The following TLL1 variants were observed in gnomAD, a reference collection of about 807,000 sequenced individuals.
TLL1 encodes tolloid like 1, also known as tolloid-like protein 1.
A neutral mutation model predicts 128.2 loss-of-function variants in TLL1; 49 were observed. The ratio of observed to expected loss-of-function variants is 0.38; its 90% CI spans 0.30 to 0.48. The LOEUF (loss-of-function observed/expected upper bound fraction) is 0.48. TLL1 is among the 20% of genes least tolerant of loss of function. TLL1 has a pLI of 0.96. For synonymous variants in TLL1, 454 were observed against 418.8 expected (o/e 1.08, Z -1.03); for missense variants, 1,123 against 1,242.0 (o/e 0.90, Z 1.44).
At chr4:165,933,475 G>A (rs1733623802) in intron 1 of TLL1, among the ~76,000 whole-genome samples, 1 of 152,116 alleles carries the variant, frequency 6.6e-6, no homozygotes, top group Non-Finnish European at 1.5e-5. Context: ...GCATCTCGAG[G>A]TCTGCAGTCC....
chr4:165,877,102 A>G (rs911377416), intron 1 of TLL1, among the ~76,000 whole-genome samples: 2 of 152,240 alleles, frequency 1.3e-5, no homozygotes, highest in Non-Finnish European at 2.9e-5. Flanking sequence ...TCTGAATTAC[A>G]ACTTTAAAAG....
chr4:166,031,997 G>A (rs1193307437), intron 9 of TLL1, among the ~76,000 whole-genome samples: 1 of 152,042 alleles, frequency 6.6e-6, no homozygotes, highest in African/African-American at 2.4e-5. Flanking sequence ...AGTTGAGAAA[G>A]GATTGAGTAA....
intron 9 of TLL1, among the ~76,000 whole-genome samples, chr4:166,027,195 C>G (rs775068686): frequency 6.6e-5 from 10 of 151,844 alleles, no homozygotes; most frequent in Non-Finnish European, 1.5e-4. Context: ...CATTGAGCAC[C>G]CATAGACACA....
At chr4:165,946,579 A>G (rs544445690) in intron 1 of TLL1, among the ~76,000 whole-genome samples, 3 of 151,444 alleles carry the variant, frequency 2.0e-5, no homozygotes, top group South Asian at 4.2e-4. Flanking sequence ...AGCTCAAGCA[A>G]TCAGCCCATC....
intron 1 of TLL1, among the ~76,000 whole-genome samples, chr4:165,878,432 G>A (rs952135177): frequency 1.3e-5 from 2 of 151,902 alleles, no homozygotes; most frequent in Non-Finnish European, 2.9e-5. Flanking sequence ...GTTTGCAGAA[G>A]GGATGGATAA....
intron 1 of TLL1, among the ~76,000 whole-genome samples, chr4:165,986,813 A>G (rs1335031531): frequency 6.6e-6 from 1 of 152,086 alleles, no homozygotes; most frequent in Non-Finnish European, 1.5e-5. Context: ...AAGCCATTAC[A>G]AGAAAATAAA....
At chr4:165,944,990 C>T (rs1734179638) in intron 1 of TLL1, among the ~76,000 whole-genome samples, 1 of 152,044 alleles carries the variant, frequency 6.6e-6, no homozygotes, top group African/African-American at 2.4e-5. Flanking sequence ...TATTCAAATA[C>T]ACAGGCATGG....
At chr4:165,923,315 GTCAAATATTTAAATATTTGACAAA>G (rs1244645278) in intron 1 of TLL1, among the ~76,000 whole-genome samples, 3 of 147,804 alleles carry the variant, frequency 2.0e-5, no homozygotes, top group Non-Finnish European at 3.0e-5. Context: ...CATTTTATCT[GTCAAATATTTAAATATTTGACAAA>G]TCAAATATTC....
chr4:166,091,195 G>C lies in TLL1; in HGVS notation c.2510G>C (p.Gly837Ala). ...TATGACCACTTAGAAGTATTTGATG[G>C]AGAAACAGAAAAGTCACCGATTCTT... The part of the protein sequence containing the change: ...CAYDHLEVFD[G>A]ETEKSPILGR... Residue 837 changes from glycine to alanine, a missense_variant, in exon 19 of 21, where the codon GGA (glycine) becomes GCA (alanine). This residue lies in a region of TLL1 where 634 missense variants were observed against 672.4 expected (regional missense o/e 0.94). Transcript: ENST00000061240. 1 of 1,613,192 alleles carries C rather than the reference G, an allele frequency of 6.2e-7. No individual in the cohort carries two copies. The highest frequency in any genetic ancestry group is 8.5e-7 in the Non-Finnish European group (1 of 1,179,494).
chr4:165,970,380 C>G (rs1735578952), intron 1 of TLL1, among the ~76,000 whole-genome samples: 1 of 152,098 alleles, frequency 6.6e-6, no homozygotes, highest in African/African-American at 2.4e-5. Context: ...GAATCTACCA[C>G]AACAGAGTGT....
chr4:165,926,698 G>C (rs1733285040), intron 1 of TLL1, among the ~76,000 whole-genome samples: 1 of 152,172 alleles, frequency 6.6e-6, no homozygotes, highest in African/African-American at 2.4e-5. Flanking sequence ...ATTTAAGCCA[G>C]AGTGGACAGT....
intron 1 of TLL1, among the ~76,000 whole-genome samples, chr4:165,902,025 G>C (rs960873446): frequency 6.6e-6 from 1 of 152,108 alleles, no homozygotes; most frequent in Non-Finnish European, 1.5e-5. Context: ...CGAACTTCTG[G>C]GCATGTTTGT....
intron 9 of TLL1, among the ~76,000 whole-genome samples, chr4:166,028,608 G>T (rs1738615868): frequency 6.6e-6 from 1 of 151,898 alleles, no homozygotes; most frequent in Non-Finnish European, 1.5e-5. Context: ...TTTGTTAATT[G>T]CTCTTCATAG....
chr4:165,987,459 G>T (rs1164674819), intron 1 of TLL1, among the ~76,000 whole-genome samples: 4 of 151,926 alleles, frequency 2.6e-5, no homozygotes, highest in Non-Finnish European at 5.9e-5. Context: ...TCAATTTCAG[G>T]CATCAAAACC....
chr4:165,952,155 A>C (rs567832979), intron 1 of TLL1, among the ~76,000 whole-genome samples: 18 of 152,272 alleles, frequency 1.2e-4, no homozygotes, highest in African/African-American at 4.3e-4. Context: ...TTATTCTTAC[A>C]AACTCCACAA....
chr4:166,010,353 G>A (rs186101813), intron 7 of TLL1, among the ~76,000 whole-genome samples: 7 of 151,042 alleles, frequency 4.6e-5, no homozygotes, highest in Admixed American at 2.0e-4. Flanking sequence ...GTCATATCTC[G>A]TTGTGGTTTT....
At position 166,039,361 on chromosome 4, in the gene TLL1, T is replaced by C; in HGVS notation, c.1181T>C (p.Met394Thr). ...GEKIVLNFTT[M>T]DLYKSSLCWY... ...CAGATTGTTTTAAATTTTACAACGA[T>C]GGATCTATACAAGAGTAGTTTGTGC... The change falls in exon 10 of 21, where the codon ATG (methionine) becomes ACG (threonine). Residue 394 changes from methionine to threonine, a missense_variant. Around this residue, in one of 3 missense-constraint regions of TLL1, gnomAD observed 480 missense variants for 542.4 expected, o/e 0.89. Coordinates refer to ENST00000061240, the MANE Select transcript of TLL1 (RefSeq NM_012464.5). The C allele has an allele frequency of 6.2e-7, 1 of 1,613,432 alleles. No homozygotes were observed. Among genetic ancestry groups the C allele is most frequent in the Non-Finnish European group, 8.5e-7 (1 of 1,179,542 alleles).
At position 166,003,425 on chromosome 4, in the gene TLL1, C is replaced by A; in HGVS notation, c.667C>A (p.Pro223Thr). ...CSYVGRRGNG[P>T]QAISIGKNCD... ...CTATGTAGGTCGGCGAGGAAATGGA[C>A]CTCAGGCAATCTCTATCGGCAAGAA... The change falls in exon 6 of 21, where the codon CCT becomes ACT. Residue 223 changes from proline (P) to threonine (T), a missense_variant. Pro to Thr is a conservative substitution (Grantham distance 38). This residue lies in a region of TLL1 where 480 missense variants were observed against 542.4 expected (regional missense o/e 0.89). Transcript: ENST00000061240. 1 of 1,614,042 alleles carries A rather than the reference C, an allele frequency of 6.2e-7. No individual in the cohort carries two copies. Among genetic ancestry groups the A allele is most frequent in the Non-Finnish European group, 8.5e-7 (1 of 1,179,958 alleles).
chr4:165,957,035 A>G (rs1385160942), intron 1 of TLL1, among the ~76,000 whole-genome samples: 1 of 151,950 alleles, frequency 6.6e-6, no homozygotes, highest in South Asian at 2.1e-4. Flanking sequence ...CAATCTAAAC[A>G]CCCCACTTAA....
Sources: gnomAD v4.1 joint callset for allele counts (sites outside exome capture counted in the v4.1 genomes callset) on GRCh38, gnomAD v4.1.1 for gene constraint, gnomAD v4.1.1 regional missense constraint, MANE v1.5 for transcripts, NCBI Gene and HGNC (gene_info 2026-07-23, HGNC 2026-07-21) for gene names.